SRGAP1: variants seen among roughly 807,000 people sequenced by gnomAD.
The protein encoded by SRGAP1 is SLIT-ROBO Rho GTPase-activating protein 1.
Under a neutral mutation model 121.9 loss-of-function variants are expected in SRGAP1, and 43 were observed. The observed-to-expected ratio is 0.35, with a 90% confidence interval of 0.28 to 0.46. The LOEUF is 0.46. SRGAP1 is among the 20% of genes least tolerant of loss of function. SRGAP1 has a pLI of 1.00. For synonymous variants in SRGAP1, 447 were observed against 485.4 expected (o/e 0.92, Z 1.04); for missense variants, 1,102 against 1,350.9 (o/e 0.82, Z 2.89).
chr12:64,119,371 A>G (rs1433947986), intron 18 of SRGAP1, among the ~76,000 whole-genome samples: 1 of 152,046 alleles, frequency 6.6e-6, no homozygotes, highest in Non-Finnish European at 1.5e-5. Context: ...TAAATTTTAG[A>G]CTCAGTTTTT....
intron 1 of SRGAP1, among the ~76,000 whole-genome samples, chr12:63,913,454 C>CCTATATATATATATATATATATATAT (rs2030617369): frequency 8.1e-6 from 1 of 124,114 alleles, no homozygotes; most frequent in African/African-American, 3.0e-5. Context: ...ACTGTGTCCA[C>CCTATATATATATATATATATATATAT]ATATATATAT....
At chr12:64,044,699 T>TTTTTTTTTTTA (rs1463008430) in intron 6 of SRGAP1, among the ~76,000 whole-genome samples, 1 of 138,594 alleles carries the variant, frequency 7.2e-6, no homozygotes, top group African/African-American at 2.8e-5. Context: ...TTTTTTTTTT[T>TTTTTTTTTTTA]AAGACAGAGT....
At chr12:63,889,823 A>C (rs910910338) in intron 1 of SRGAP1, among the ~76,000 whole-genome samples, 1 of 151,846 alleles carries the variant, frequency 6.6e-6, no homozygotes, top group Non-Finnish European at 1.5e-5. Flanking sequence ...CAGGAGAATC[A>C]CTTGACCCCG....
In SRGAP1 at chr12:64,148,518, G is replaced by C. The variant is rs2037085328; in HGVS notation, c.*5846G>C. On this transcript the variant is annotated 3_prime_UTR_variant, in exon 22 of 22. Transcript: ENST00000355086. ...GCTGGTCTCAAACTCCTGACCTAAA[G>C]TGATCTATCTACCTGCCTCAGCCTC... The C allele has an allele frequency of 6.6e-6, 1 of 151,954 alleles. No individual in the cohort carries two copies. Among genetic ancestry groups the C allele is most frequent in the African/African-American group, 2.4e-5 (1 of 41,360 alleles). 9.4% of individuals were successfully genotyped at this position (151,954 alleles called of 1,614,324 possible). A position where few individuals can be genotyped will look rare whatever the true frequency, so the allele number is the denominator to read the frequency against.
chr12:63,942,299 C>A (rs1464315802), intron 1 of SRGAP1, among the ~76,000 whole-genome samples: 2 of 152,146 alleles, frequency 1.3e-5, no homozygotes, highest in Non-Finnish European at 2.9e-5. Flanking sequence ...CACAGTAATA[C>A]TTATAGCTAG....
At chr12:64,030,379 A>G (rs1024134122) in intron 4 of SRGAP1, among the ~76,000 whole-genome samples, 4 of 152,352 alleles carry the variant, frequency 2.6e-5, no homozygotes, top group Admixed American at 1.3e-4. Context: ...TGCCTCCAAT[A>G]ACTGCTGGAA....
intron 3 of SRGAP1, among the ~76,000 whole-genome samples, chr12:64,009,390 G>A (rs1397608025): frequency 6.6e-6 from 1 of 152,148 alleles, no homozygotes; most frequent in African/African-American, 2.4e-5. Context: ...CTAGGGAAAT[G>A]AAAATGAAGA....
At chr12:64,064,121 G>A (rs1050887988) in intron 7 of SRGAP1, among the ~76,000 whole-genome samples, 1 of 152,052 alleles carries the variant, frequency 6.6e-6, no homozygotes, top group Non-Finnish European at 1.5e-5. Context: ...CTGTGGATAT[G>A]TTAAGCATGG....
intron 1 of SRGAP1, among the ~76,000 whole-genome samples, chr12:63,846,425 G>A (rs1898903977): frequency 6.6e-6 from 1 of 152,114 alleles, no homozygotes; most frequent in Admixed American, 6.5e-5. Context: ...TGGCGGTCTG[G>A]TTTTTCTGCC....
rs1338485746 is a variant in SRGAP1 at position 64,091,397 on chromosome 12, T to C, written c.1539+19T>C. The C allele has an allele frequency of 1.3e-6, 2 of 1,568,082 alleles. No individual in the cohort carries two copies. On this transcript the variant is annotated intron_variant, in intron 12 of 21. Coordinates refer to ENST00000355086, the MANE Select transcript of SRGAP1 (RefSeq NM_020762.4). ...CGTCAAGGTACTGGCACCAGCCATC[T>C]GGGTGGCTGATCTCCATGCTTCTTA...
chr12:63,854,770 G>A (rs1299609360), intron 1 of SRGAP1, among the ~76,000 whole-genome samples: 5 of 152,064 alleles, frequency 3.3e-5, no homozygotes, highest in Non-Finnish European at 7.3e-5. Flanking sequence ...CATTCTATAT[G>A]ACATTTGAAT....
intron 3 of SRGAP1, among the ~76,000 whole-genome samples, chr12:64,007,171 G>A (rs938170127): frequency 4.6e-5 from 7 of 152,126 alleles, no homozygotes; most frequent in Non-Finnish European, 1.0e-4. Context: ...ACCGTTATCT[G>A]TGAGGCAAGG....
chr12:64,133,468 C>G (rs897814696), intron 21 of SRGAP1, among the ~76,000 whole-genome samples: 2 of 152,204 alleles, frequency 1.3e-5, no homozygotes, highest in Non-Finnish European at 2.9e-5. Flanking sequence ...TTAACTGGAG[C>G]ACCACAACGA....
chr12:63,867,964 CAA>C (rs750002926), intron 1 of SRGAP1, among the ~76,000 whole-genome samples: 3 of 130,964 alleles, frequency 2.3e-5, no homozygotes, highest in African/African-American at 5.7e-5. Flanking sequence ...CATTTGGCTA[CAA>C]AGAGACATTT....
At chr12:64,010,865 G>A (rs1565637428) in intron 3 of SRGAP1, among the ~76,000 whole-genome samples, 2 of 151,374 alleles carry the variant, frequency 1.3e-5, no homozygotes. Flanking sequence ...GCACTTCAAC[G>A]TTAGAGTTTG....
chr12:63,916,749 A>G (rs1054417302), intron 1 of SRGAP1, among the ~76,000 whole-genome samples: 11 of 152,214 alleles, frequency 7.2e-5, no homozygotes, highest in Non-Finnish European at 1.6e-4. Context: ...TATAAAAGTC[A>G]TGAGATTTAA....
At chr12:64,083,581 A>G (rs1199650258) in intron 10 of SRGAP1, among the ~76,000 whole-genome samples, 3 of 152,198 alleles carry the variant, frequency 2.0e-5, no homozygotes, top group Non-Finnish European at 2.9e-5. Context: ...CAAACTCATT[A>G]TTATCATTTT....
At position 64,147,072 on chromosome 12, in the gene SRGAP1, A is replaced by C. The variant is rs1179909923; in HGVS notation, c.*4400A>C. ...CCCCTTAGAGCATTCATCCAAGTTC[A>C]GTGTGTAGTGTGATGGTTATTATAG... On this transcript the variant is annotated 3_prime_UTR_variant, in exon 22 of 22. Transcript: ENST00000355086. 2 of 158,746 alleles carry C rather than the reference A, an allele frequency of 1.3e-5. No homozygotes were observed. Among genetic ancestry groups the C allele is most frequent in the South Asian group, 4.1e-4 (2 of 4,868 alleles). The allele number at this position is 158,746 out of a possible 1,614,324, so 9.8% of individuals were successfully genotyped here.
chr12:63,997,360 A>C (rs976986042), intron 3 of SRGAP1, among the ~76,000 whole-genome samples: 2 of 152,032 alleles, frequency 1.3e-5, no homozygotes, highest in South Asian at 2.1e-4. Context: ...ACACTCTATG[A>C]TGTTCACACA....
Sources: allele counts gnomAD v4.1 joint callset (sites outside exome capture counted in the v4.1 genomes callset), GRCh38; gene constraint gnomAD v4.1.1; transcripts MANE v1.5; gene names NCBI Gene and HGNC (gene_info 2026-07-23, HGNC 2026-07-21).